FBLN1: variants seen among roughly 807,000 people sequenced by gnomAD.
FBLN1 encodes fibulin 1.
Under a neutral mutation model 89.7 loss-of-function variants are expected in FBLN1, and 34 were observed. That is an observed-to-expected ratio of 0.38 (90% confidence interval 0.29 to 0.50). The LOEUF (loss-of-function observed/expected upper bound fraction) is 0.50. FBLN1 is among the 20% of genes least tolerant of loss of function. FBLN1 has a pLI of 0.92. For missense variants in FBLN1, 777 were observed against 988.1 expected (o/e 0.79, Z 2.86); for synonymous variants, 393 against 391.3 (o/e 1.00, Z -0.05).
chr22:45,504,489 G>T (rs1211634874), intron 1 of FBLN1, among the ~76,000 whole-genome samples: 1 of 152,136 alleles, frequency 6.6e-6, no homozygotes, highest in African/African-American at 2.4e-5. Flanking sequence ...GCAGCAGGCC[G>T]GGTGGCTGCC....
chr22:45,548,967 T>A (rs990181916), intron 13 of FBLN1, among the ~76,000 whole-genome samples: 6 of 152,204 alleles, frequency 3.9e-5, no homozygotes, highest in Non-Finnish European at 5.9e-5. Context: ...TCCTCTGGAT[T>A]GTCTGAGCCT....
intron 9 of FBLN1, among the ~76,000 whole-genome samples, chr22:45,541,751 T>C (rs2088559070): frequency 6.6e-6 from 1 of 152,230 alleles, no homozygotes. Context: ...ACAAGCACTG[T>C]CCTTTCCTCT....
chr22:45,534,292 C>CAAAAAAAAAAAAAAAAAAAAAAAAAA (rs136746), intron 7 of FBLN1, among the ~76,000 whole-genome samples: 6 of 83,228 alleles, frequency 7.2e-5, no homozygotes, highest in Admixed American at 3.3e-4. Context: ...GTACTTTCTA[C>CAAAAAAAAAAAAAAAAAAAAAAAAAA]AAAAAAAAAA....
chr22:45,531,568 G>A lies in FBLN1; in HGVS notation c.544+244G>A, dbSNP rs16994186. ...AAAAGCAAAACCAAGGAATCTCGGT[G>A]CTGATCTCACTGGAAGTTGGAATCC... On this transcript the variant is annotated intron_variant, in intron 5 of 16. Coordinates refer to ENST00000327858, the MANE Select transcript of FBLN1 (RefSeq NM_006486.3). This position sits in a 1 kb window ranked among gnomAD's most constrained non-coding sequence, Gnocchi z 4.9. 0.056 allele frequency among the ~76,000 whole-genome samples: 8,584 copies of A among 152,322 alleles called. 488 individuals carry two copies. The highest frequency in any genetic ancestry group is 0.16 in the Admixed American group (2,490 of 15,284).
rs145061212 is a variant in FBLN1 at position 45,599,491 on chromosome 22, G to C, written c.1973-816G>C. Among the ~76,000 whole-genome samples the C allele has an allele frequency of 3.3e-3, 509 of 152,280 alleles. 1 individual carries two copies. Among genetic ancestry groups the C allele is most frequent in the Middle Eastern group, 0.017 (5 of 294 alleles). Reference sequence around the variant, plus strand: ...CCAGGGCCCATTGCAGTCCTCAGATGTTCTGGGGGAGAGGATACGCCTGCT... The same window carrying C: ...CCAGGGCCCATTGCAGTCCTCAGATCTTCTGGGGGAGAGGATACGCCTGCT... On this transcript the variant is annotated intron_variant, in intron 16 of 16. Transcript: ENST00000327858.
chr22:45,574,731 G>A lies in FBLN1; in HGVS notation c.1840+78G>A. On this transcript the variant is annotated intron_variant, in intron 15 of 16. Transcript: ENST00000327858. The surrounding 1 kb of genome is among the most constrained non-coding windows in gnomAD (Gnocchi z 4.1). ...TCAGCTGAGGGCTTGGCCTACAGGA[G>A]TTGTTCCTTGTAAGATGTGGCCCAG... The A allele has an allele frequency of 8.8e-7, 1 of 1,136,480 alleles. No homozygotes were observed. The highest frequency in any genetic ancestry group is 1.3e-6 in the Non-Finnish European group (1 of 779,106). The allele number at this position is 1,136,480 out of a possible 1,614,324, so 70.4% of individuals were successfully genotyped here. A position where few individuals can be genotyped will look rare whatever the true frequency, so the allele number is the denominator to read the frequency against.
In FBLN1 at chr22:45,583,791, AGAGAGAGAGAAT is replaced by A. The variant is rs1173085948; in HGVS notation, c.1972+6694_1972+6705del. Among the ~76,000 whole-genome samples the A allele has an allele frequency of 6.6e-6, 1 of 151,996 alleles. No individual in the cohort carries two copies. The highest frequency in any genetic ancestry group is 1.5e-5 in the Non-Finnish European group (1 of 67,986). On this transcript the variant is annotated intron_variant, in intron 16 of 16. Transcript: ENST00000327858. The surrounding 1 kb of genome is among the most constrained non-coding windows in gnomAD (Gnocchi z 4.5). ...GAAGGGGAAGCGCCTGCAGCATGAGAGAGAGAGAGAATGAGAGAGAGAGACAGAGAGAGACCT... is the reference window on the plus strand; with the variant it reads ...GAAGGGGAAGCGCCTGCAGCATGAGAGAGAGAGAGAGACAGAGAGAGACCT...
Position 45,550,969 on chromosome 22 carries a change from G to C in FBLN1, c.1697+354G>C, listed in dbSNP as rs1296006492. ...CTGTAACATGCAGATGTCAGAACGT[G>C]CTCTGACTGAGATGCATAGGTAGCA... On this transcript the variant is annotated intron_variant, in intron 14 of 16. Transcript: ENST00000327858. The surrounding 1 kb of genome is among the most constrained non-coding windows in gnomAD (Gnocchi z 8.4). 2.6e-6 allele frequency: 1 copy of C among 379,706 alleles called. No homozygotes were observed. Among genetic ancestry groups the C allele is most frequent in the Non-Finnish European group, 5.1e-6 (1 of 197,890 alleles). 23.5% of individuals were successfully genotyped at this position (379,706 alleles called of 1,614,324 possible).
At chr22:45,566,866 A>G (rs1265673292) in intron 14 of FBLN1, among the ~76,000 whole-genome samples, 2 of 152,246 alleles carry the variant, frequency 1.3e-5, no homozygotes. Flanking sequence ...AAAGACAGCA[A>G]TAAGGGTGAT....
chr22:45,534,022 G>T (rs976598931), intron 7 of FBLN1, 124 bp downstream of exon 7: 6 of 1,346,692 alleles, frequency 4.5e-6, no homozygotes, highest in Non-Finnish European at 6.3e-6. Context: ...CTGGGCGACT[G>T]CCTGCTCATC....
intron 1 of FBLN1, among the ~76,000 whole-genome samples, chr22:45,508,176 T>C (rs1056653787): frequency 6.6e-6 from 1 of 152,022 alleles, no homozygotes; most frequent in Admixed American, 6.5e-5. Context: ...AGAGTCCAGG[T>C]AGCAAGACTG....
intron 9 of FBLN1, 139 bp downstream of exon 9, chr22:45,541,511 A>G: frequency 2.8e-6 from 3 of 1,085,820 alleles, no homozygotes; most frequent in Non-Finnish European, 4.1e-6. Context: ...TCAGTTCCCA[A>G]GCATGGGGCT....
Position 45,576,548 on chromosome 22 carries a change from C to T in FBLN1, c.1841-429C>T, listed in dbSNP as rs192995965. On this transcript the variant is annotated intron_variant, in intron 15 of 16. Transcript: ENST00000327858. This position sits in a 1 kb window ranked among gnomAD's most constrained non-coding sequence, Gnocchi z 5.2. ...ACACCCCCCAGAGAACCCAGGCCACCGCTCAGGGTGGCCCCCCTGACCTGT... is the reference window on the plus strand; with the variant it reads ...ACACCCCCCAGAGAACCCAGGCCACTGCTCAGGGTGGCCCCCCTGACCTGT... 8.5e-3 allele frequency among the ~76,000 whole-genome samples: 1,287 copies of T among 152,218 alleles called. 8 individuals carry two copies. The highest frequency in any genetic ancestry group is 0.014 in the Non-Finnish European group (976 of 67,988).
chr22:45,573,782 G>A (rs372292157), intron 14 of FBLN1, among the ~76,000 whole-genome samples: 57 of 152,024 alleles, frequency 3.7e-4, no homozygotes, highest in Non-Finnish European at 5.6e-4. Context: ...TCTGGCAGTT[G>A]CGGGGCGTTT....
At chr22:45,565,097 G>C in intron 14 of FBLN1, 1 of 1,593,202 alleles carries the variant, frequency 6.3e-7, no homozygotes, top group Non-Finnish European at 8.5e-7. Flanking sequence ...CCTTGCCACT[G>C]TCTCCTGGCC....
At chr22:45,543,727 C>G (rs1233842712) in intron 11 of FBLN1, among the ~76,000 whole-genome samples, 1 of 152,232 alleles carries the variant, frequency 6.6e-6, no homozygotes, top group Non-Finnish European at 1.5e-5. Flanking sequence ...GACATCCACC[C>G]TCCGAGGCCG....
rs2069051700 is a variant in FBLN1, at chr22:45,531,624, C to T, written c.544+300C>T. 6.6e-6 allele frequency among the ~76,000 whole-genome samples: 1 copy of T among 152,256 alleles called. No individual in the cohort carries two copies. The highest frequency in any genetic ancestry group is 2.4e-5 in the African/African-American group (1 of 41,470). ...TTGCTTTGGTTTACCCTGCAAAGTA[C>T]CCTTTGGCTGGGAGCCAGCCATGAG... On this transcript the variant is annotated intron_variant, in intron 5 of 16. Transcript: ENST00000327858. This position sits in a 1 kb window ranked among gnomAD's most constrained non-coding sequence, Gnocchi z 4.9.
chr22:45,522,105 C>T (rs2088259634), intron 2 of FBLN1, among the ~76,000 whole-genome samples: 1 of 152,094 alleles, frequency 6.6e-6, no homozygotes, highest in South Asian at 2.1e-4. Flanking sequence ...CCTGCCTCAG[C>T]CTCCTGAGTA....
chr22:45,533,389 G>T lies in FBLN1; in HGVS notation c.646+225G>T, dbSNP rs556452667. On this transcript the variant is annotated intron_variant, in intron 6 of 16. Coordinates refer to ENST00000327858, the MANE Select transcript of FBLN1 (RefSeq NM_006486.3). ...AAGCACTGGGGTTGGGAAAGAGGAT[G>T]GAGTTGGGGTCTAACCAGGTTCCGG... 3.9e-5 allele frequency among the ~76,000 whole-genome samples: 6 copies of T among 152,324 alleles called. No homozygotes were observed. The South Asian group carries it at 6.2e-4, about 16-fold the overall frequency.
Sources: gnomAD v4.1 joint callset for allele counts (sites outside exome capture counted in the v4.1 genomes callset) on GRCh38, gnomAD v4.1.1 for gene constraint, Gnocchi (gnomAD v3.1) non-coding constraint, MANE v1.5 for transcripts, NCBI Gene and HGNC (gene_info 2026-07-23, HGNC 2026-07-21) for gene names.